The following ECT2L variants were observed in gnomAD, a reference collection of about 807,000 sequenced individuals.
ECT2L encodes epithelial cell transforming 2 like.
Under a neutral mutation model 122.8 loss-of-function variants are expected in ECT2L, and 126 were observed. The ratio of observed to expected loss-of-function variants is 1.03; its 90% CI spans 0.89 to 1.19. The LOEUF is 1.19. Ranked by LOEUF, ECT2L falls within the 50% of genes most tolerant of loss-of-function variation. ECT2L has a pLI of 0.00. For synonymous variants in ECT2L, 385 were observed against 381.8 expected, an observed-to-expected ratio of 1.01 and a Z score of -0.10; for missense variants, 1,012 against 1,064.1, an observed-to-expected ratio of 0.95 and a Z score of 0.68.
chr6:138,850,271 A>G (rs934016349), intron 9 of ECT2L, among the ~76,000 whole-genome samples: 5 of 151,994 alleles, frequency 3.3e-5, no homozygotes, highest in African/African-American at 1.2e-4. Context: ...CAGCCTCCCA[A>G]GTAGTTGTGA....
chr6:138,862,050 GA>G (rs1777852695), intron 10 of ECT2L, among the ~76,000 whole-genome samples: 1 of 152,196 alleles, frequency 6.6e-6, no homozygotes, highest in Non-Finnish European at 1.5e-5. Flanking sequence ...GGTGAATGAT[GA>G]AGTGTTCATG....
intron 3 of ECT2L, among the ~76,000 whole-genome samples, chr6:138,813,819 C>T (rs978091698): frequency 2.0e-5 from 3 of 152,128 alleles, no homozygotes; most frequent in African/African-American, 7.2e-5. Context: ...AGAAGGCAAA[C>T]TGGGTGCTCT....
intron 11 of ECT2L, among the ~76,000 whole-genome samples, chr6:138,863,701 C>T (rs901830220): frequency 1.8e-4 from 27 of 151,572 alleles, no homozygotes; most frequent in African/African-American, 6.3e-4. Context: ...CTGCAACCTC[C>T]GCCTCCTGGG....
At chr6:138,901,188 A>G in intron 21 of ECT2L, 68 bp downstream of exon 21, 1 of 1,453,632 alleles carries the variant, frequency 6.9e-7, no homozygotes, top group Non-Finnish European at 9.3e-7. Context: ...GCTCTTTAAC[A>G]GAACAGTAGA....
chr6:138,811,849 C>T (rs9389618), intron 1 of ECT2L, among the ~76,000 whole-genome samples: 67,765 of 151,582 alleles, frequency 0.45, 15,338 homozygotes, highest in South Asian at 0.63. Flanking sequence ...CCACTATGCC[C>T]GGCCAATTTT....
chr6:138,826,719 T>A (rs1017515980), intron 4 of ECT2L, among the ~76,000 whole-genome samples: 4 of 151,934 alleles, frequency 2.6e-5, no homozygotes, highest in Middle Eastern at 3.2e-3. Flanking sequence ...CCCACCCAAA[T>A]CTCATGTTGA....
At chr6:138,841,408 A>G (rs1204593175) in intron 5 of ECT2L, among the ~76,000 whole-genome samples, 1 of 152,234 alleles carries the variant, frequency 6.6e-6, no homozygotes, top group Non-Finnish European at 1.5e-5. Context: ...TGCTAGGAAC[A>G]AATCCTACAA....
chr6:138,901,244 A>G, intron 21 of ECT2L, 124 bp downstream of exon 21: 1 of 969,750 alleles, frequency 1.0e-6, no homozygotes, highest in Non-Finnish European at 1.5e-6. Context: ...CAATTCCCCC[A>G]ATATTAGAAT....
chr6:138,888,767 A>T (rs919113465), intron 19 of ECT2L, among the ~76,000 whole-genome samples, 176 bp from the exon 20 acceptor site: 1 of 152,218 alleles, frequency 6.6e-6, no homozygotes, highest in Admixed American at 6.5e-5. Flanking sequence ...TTTCTTTGTC[A>T]ATACTGTGGT....
In ECT2L at chr6:138,844,596, T is replaced by A. The variant is rs746439568; in HGVS notation, c.764+16T>A. On this transcript the variant is annotated intron_variant, in intron 7 of 21. Coordinates refer to ENST00000541398, the MANE Select transcript of ECT2L (RefSeq NM_001077706.3). ...TGCCCAAGCGGTAAGCAAAATTCCA[T>A]CTACTGAAGGCTCAACACCATCCCA... 10 of 1,612,774 alleles carry A rather than the reference T, an allele frequency of 6.2e-6. No homozygotes were observed.
chr6:138,890,489 G>A (rs900529984), intron 20 of ECT2L, among the ~76,000 whole-genome samples: 122 of 55,520 alleles, frequency 2.2e-3, no homozygotes, highest in African/African-American at 8.4e-3. Flanking sequence ...TGTTTTCTTT[G>A]ATCTTTTTTT....
intron 4 of ECT2L, among the ~76,000 whole-genome samples, chr6:138,818,137 A>G (rs7751893): frequency 0.72 from 109,415 of 152,058 alleles, 39,847 homozygotes; most frequent in East Asian, 0.89. Context: ...GCTTTCCTGG[A>G]TGGGTGGGGC....
rs535905691 is a variant in ECT2L, at chr6:138,801,230, A to G, written c.-244+5038A>G. 3.2e-4 allele frequency among the ~76,000 whole-genome samples: 48 copies of G among 152,244 alleles called. 1 individual carries two copies. The highest frequency in any genetic ancestry group is 1.0e-3 in the African/African-American group (42 of 41,552). On this transcript the variant is annotated intron_variant, in intron 1 of 21. Coordinates refer to ENST00000541398, the MANE Select transcript of ECT2L (RefSeq NM_001077706.3). ...TTCAGCAAATACTTGCCAAATACCTATCCTATGGCAGACACTATTGTGGGA... is the reference window on the plus strand; with the variant it reads ...TTCAGCAAATACTTGCCAAATACCTGTCCTATGGCAGACACTATTGTGGGA...
At chr6:138,902,292 A>C (rs1662571971) in intron 21 of ECT2L, among the ~76,000 whole-genome samples, 4 of 152,242 alleles carry the variant, frequency 2.6e-5, no homozygotes. Context: ...AATAATTGCT[A>C]ATTACAATAA....
chr6:138,880,906 A>C, intron 14 of ECT2L, 51 bp from the exon 15 acceptor site: 1 of 1,534,794 alleles, frequency 6.5e-7, no homozygotes, highest in Non-Finnish European at 8.9e-7. Context: ...CTGACTGCTC[A>C]GCACTTCTAC....
intron 4 of ECT2L, chr6:138,823,180 C>A (rs1776325497): frequency 7.0e-7 from 1 of 1,435,348 alleles, no homozygotes; most frequent in Non-Finnish European, 9.5e-7. Flanking sequence ...ACTAATGTCC[C>A]CAGCCAATCA....
chr6:138,831,498 C>A (rs1776646549), intron 4 of ECT2L, among the ~76,000 whole-genome samples: 1 of 152,216 alleles, frequency 6.6e-6, no homozygotes. Context: ...GCTGCCTTTG[C>A]CCTTGACATT....
At chr6:138,816,971 A>G (rs928004173) in intron 4 of ECT2L, among the ~76,000 whole-genome samples, 1 of 152,096 alleles carries the variant, frequency 6.6e-6, no homozygotes, top group Non-Finnish European at 1.5e-5. Context: ...ATCCCTCTAG[A>G]TCTGGGCAAA....
intron 4 of ECT2L, among the ~76,000 whole-genome samples, chr6:138,837,632 C>A (rs1203330614): frequency 8.0e-6 from 1 of 124,322 alleles, no homozygotes; most frequent in South Asian, 3.1e-4. Context: ...CTTCTAGAAG[C>A]ACTGGTCTCA....
Sources: gnomAD v4.1 joint callset for allele counts (sites outside exome capture counted in the v4.1 genomes callset) on GRCh38, gnomAD v4.1.1 for gene constraint, MANE v1.5 for transcripts, NCBI Gene and HGNC (gene_info 2026-07-23, HGNC 2026-07-21) for gene names.